The following PAX3 variants were observed in gnomAD, a reference collection of about 807,000 sequenced individuals.
PAX3 encodes paired box 3.
A neutral mutation model predicts 51.6 loss-of-function variants in PAX3; 14 were observed. That is an observed-to-expected ratio of 0.27 (90% CI 0.18 to 0.42). The LOEUF is 0.42. Ranked by LOEUF, PAX3 falls within the 10% of genes least tolerant of loss-of-function variation. The pLI is 1.00. For missense variants in PAX3, 540 were observed against 642.8 expected, an observed-to-expected ratio of 0.84 and a Z score of 1.73; for synonymous variants, 280 against 253.4, an observed-to-expected ratio of 1.11 and a Z score of -1.00.
chr2:222,260,114 A>G (rs557922228), intron 4 of PAX3, among the ~76,000 whole-genome samples: 59 of 152,300 alleles, frequency 3.9e-4, no homozygotes, highest in African/African-American at 1.4e-3. Flanking sequence ...GCCTCAGGCA[A>G]TTCTCCTGCC....
At chr2:222,214,829 A>C (rs1193728273) in intron 7 of PAX3, 1 of 152,172 alleles carries the variant, frequency 6.6e-6, no homozygotes, top group Non-Finnish European at 1.5e-5. Flanking sequence ...AATTTGAAAC[A>C]AGGCCTCACA....
At chr2:222,296,496 C>G (rs530582472) in intron 2 of PAX3, among the ~76,000 whole-genome samples, 21 of 152,186 alleles carry the variant, frequency 1.4e-4, no homozygotes, top group African/African-American at 5.1e-4. Context: ...ACTGATCACC[C>G]TAGTATTTGA....
At chr2:222,283,336 A>T (rs904283316) in intron 4 of PAX3, among the ~76,000 whole-genome samples, 2 of 152,182 alleles carry the variant, frequency 1.3e-5, no homozygotes, top group Admixed American at 1.3e-4. Flanking sequence ...TAATATTTTT[A>T]AAAAGAGAGA....
At chr2:222,293,038 C>T (rs1695101743) in intron 4 of PAX3, among the ~76,000 whole-genome samples, 1 of 152,204 alleles carries the variant, frequency 6.6e-6, no homozygotes, top group African/African-American at 2.4e-5. Flanking sequence ...AAAAGAAGTC[C>T]CACTTGGATG....
intron 4 of PAX3, among the ~76,000 whole-genome samples, chr2:222,251,256 C>A (rs1693420299): frequency 6.6e-6 from 1 of 151,880 alleles, no homozygotes; most frequent in Admixed American, 6.5e-5. Context: ...CCTCCACCCT[C>A]CCCCAACCCC....
chr2:222,202,085 C>T lies in PAX3; in HGVS notation c.1279G>A (p.Ala427Thr). The T allele has an allele frequency of 6.2e-7, 1 of 1,613,942 alleles. No homozygotes were observed. The highest frequency in any genetic ancestry group is 8.5e-7 in the Non-Finnish European group (1 of 1,179,962). Residue 427 changes from alanine to threonine, a missense_variant, in exon 8 of 9, where the codon GCC (alanine) becomes ACC (threonine). By Grantham distance (58) the Ala-to-Thr change is moderately conservative (BLOSUM62 0). This residue lies in a region of PAX3 where 427 missense variants were observed against 483.6 expected (regional missense o/e 0.88). Coordinates refer to ENST00000392070, the MANE Select transcript of PAX3 (RefSeq NM_181458.4). ...TGGTCTAGTCTCTGACTGCAGCTGG[C>T]CGACACCGTGGTGGTAGGTTCCAGA... ...GGLEPTTTVS[A>T]SCSQRLDHMK...
intron 7 of PAX3, among the ~76,000 whole-genome samples, chr2:222,208,961 T>G (rs999766245): frequency 4.6e-5 from 7 of 152,096 alleles, no homozygotes; most frequent in African/African-American, 1.7e-4. Flanking sequence ...TAAATGCAAA[T>G]CTTAGTGACC....
intron 4 of PAX3, among the ~76,000 whole-genome samples, chr2:222,267,659 C>T (rs1671055121): frequency 6.6e-6 from 1 of 152,118 alleles, no homozygotes; most frequent in Non-Finnish European, 1.5e-5. Flanking sequence ...AGGAAATTTG[C>T]AATGCCACCA....
At position 222,203,009 on chromosome 2, in the gene PAX3, TTTC is replaced by T. The variant is rs1406816929; in HGVS notation, c.1174-822_1174-820del. Among the ~76,000 whole-genome samples the T allele has an allele frequency of 1.6e-4, 10 of 61,846 alleles. 1 individual carries two copies. The highest frequency in any genetic ancestry group is 4.9e-4 in the African/African-American group (9 of 18,444). 40.6% of individuals were successfully genotyped at this position (61,846 alleles called of 152,430 possible). On this transcript the variant is annotated intron_variant, in intron 7 of 8. Transcript: ENST00000392070. ...ATTTTATTTCTTCTCTAAACAACCATTTCATATATATATATATATATATATATA... is the reference window on the plus strand; with the variant it reads ...ATTTTATTTCTTCTCTAAACAACCATATATATATATATATATATATATATA...
At chr2:222,284,915 G>T (rs1173843772) in intron 4 of PAX3, among the ~76,000 whole-genome samples, 2 of 152,170 alleles carry the variant, frequency 1.3e-5, no homozygotes, top group Non-Finnish European at 2.9e-5. Context: ...AATGTGCTTG[G>T]TCTCAATTTT....
chr2:222,219,910 G>T (rs372071942), intron 7 of PAX3, among the ~76,000 whole-genome samples: 1 of 152,142 alleles, frequency 6.6e-6, no homozygotes, highest in Non-Finnish European at 1.5e-5. Flanking sequence ...TGAACACAAA[G>T]TCTCCAAGAT....
intron 7 of PAX3, among the ~76,000 whole-genome samples, chr2:222,211,148 GC>G (rs1223604005): frequency 6.6e-6 from 1 of 152,140 alleles, no homozygotes; most frequent in East Asian, 1.9e-4. Flanking sequence ...ATAGGTGTGA[GC>G]CACCACACTT....
At chr2:222,221,554 AGAGTT>A in intron 5 of PAX3, 167 bp from the exon 6 acceptor site, 1 of 675,290 alleles carries the variant, frequency 1.5e-6, no homozygotes, top group Admixed American at 2.2e-5. Context: ...GAGTAAAAGA[AGAGTT>A]TAGTGTCAAA....
At chr2:222,285,325 A>G (rs938030290) in intron 4 of PAX3, among the ~76,000 whole-genome samples, 1 of 152,230 alleles carries the variant, frequency 6.6e-6, no homozygotes, top group African/African-American at 2.4e-5. Flanking sequence ...ATGCTTTTGA[A>G]AGAAAGAGGT....
At position 222,208,840 on chromosome 2, in the gene PAX3, G is replaced by T. The variant is rs865838857; in HGVS notation, c.1174-6650C>A. On this transcript the variant is annotated intron_variant, in intron 7 of 8. Transcript: ENST00000392070. ...AGAAAGAGAAAAGCTCTATGTTTGG[G>T]CATCTCACAATACTTCAGTGATATG... 2.0e-5 allele frequency among the ~76,000 whole-genome samples: 3 copies of T among 152,174 alleles called. 1 individual carries two copies. Among genetic ancestry groups the T allele is most frequent in the Middle Eastern group, 6.8e-3 (2 of 294 alleles).
Position 222,202,162 on chromosome 2 carries a change from C to A in PAX3, c.1202G>T (p.Gly401Val), listed in dbSNP as rs1469306010. 1 of 1,605,660 alleles carries A rather than the reference C, an allele frequency of 6.2e-7. No homozygotes were observed. Among genetic ancestry groups the A allele is most frequent in the Admixed American group, 1.7e-5 (1 of 58,580 alleles). ...QVMGLLTNHG[G>V]VPHQPQTDYA... ...ATCAGTCTGGGGCTGATGAGGTACCCCACCGTGGTTGGTCAGGAGTCCCAT... is the reference window on the plus strand; with the variant it reads ...ATCAGTCTGGGGCTGATGAGGTACCACACCGTGGTTGGTCAGGAGTCCCAT... The change falls in exon 8 of 9, where the codon GGG becomes GTG. Residue 401 changes from glycine (G) to valine (V), a missense_variant. Physicochemically the swap from Gly to Val is moderately radical, Grantham distance 109. Transcript: ENST00000392070.
At chr2:222,295,389 G>T (rs1695240683) in intron 3 of PAX3, 139 bp downstream of exon 3, 1 of 1,005,746 alleles carries the variant, frequency 9.9e-7, no homozygotes. Flanking sequence ...ACACCGGGTT[G>T]GCAAATATTG....
chr2:222,201,811 G>A (rs746597491), intron 8 of PAX3, 133 bp downstream of exon 8: 247 of 1,567,280 alleles, frequency 1.6e-4, no homozygotes, highest in Non-Finnish European at 2.0e-4. Context: ...CAGTCAGCTG[G>A]CTTTGCAAAA....
At chr2:222,214,831 G>C (rs566598192) in intron 7 of PAX3, 50 of 152,190 alleles carry the variant, frequency 3.3e-4, no homozygotes, top group Non-Finnish European at 5.9e-4. Context: ...TTTGAAACAA[G>C]GCCTCACAGC....
Sources: allele counts gnomAD v4.1 joint callset (sites outside exome capture counted in the v4.1 genomes callset), GRCh38; gene constraint gnomAD v4.1.1; regional missense constraint gnomAD v4.1.1; transcripts MANE v1.5; gene names NCBI Gene and HGNC (gene_info 2026-07-23, HGNC 2026-07-21).